The following FRMD5 variants were observed in gnomAD, a reference collection of about 807,000 sequenced individuals.
FRMD5 encodes the protein FERM domain-containing protein 5.
A neutral mutation model predicts 69.0 loss-of-function variants in FRMD5; 20 were observed. That is an observed-to-expected ratio of 0.29 (90% CI 0.20 to 0.42). FRMD5 has a LOEUF of 0.42. FRMD5 is among the 10% of genes least tolerant of loss of function. FRMD5 has a pLI of 1.00. For missense variants in FRMD5, 595 were observed against 708.6 expected (o/e 0.84, Z 1.82); for synonymous variants, 271 against 260.1 (o/e 1.04, Z -0.40).
chr15:44,175,117 A>T (rs546077368), intron 1 of FRMD5, among the ~76,000 whole-genome samples: 219 of 152,298 alleles, frequency 1.4e-3, no homozygotes, highest in African/African-American at 5.2e-3. Flanking sequence ...TTTTTGTTTA[A>T]CAGAGGCACC....
chr15:43,943,393 T>C (rs1026565440), intron 1 of FRMD5, among the ~76,000 whole-genome samples: 2 of 152,164 alleles, frequency 1.3e-5, no homozygotes, highest in African/African-American at 4.8e-5. Flanking sequence ...AGAGAGTACT[T>C]TAATATTAAG....
At chr15:44,082,305 A>G (rs1436149822) in intron 1 of FRMD5, among the ~76,000 whole-genome samples, 2 of 151,928 alleles carry the variant, frequency 1.3e-5, no homozygotes, top group Non-Finnish European at 2.9e-5. Flanking sequence ...AAACCAAACT[A>G]ATATATTTTT....
intron 6 of FRMD5, among the ~76,000 whole-genome samples, 170 bp from the exon 7 acceptor site, chr15:43,902,432 A>C (rs1258788157): frequency 6.6e-6 from 1 of 152,162 alleles, no homozygotes. Flanking sequence ...AGAGTCTCTG[A>C]CTGTCTTCAA....
chr15:44,002,331 C>A (rs1169129133), intron 1 of FRMD5, among the ~76,000 whole-genome samples: 1 of 152,044 alleles, frequency 6.6e-6, no homozygotes, highest in Non-Finnish European at 1.5e-5. Context: ...TATTTATATC[C>A]ATTTCTGTAT....
intron 7 of FRMD5, among the ~76,000 whole-genome samples, chr15:43,895,744 G>T (rs1304187910): frequency 6.6e-6 from 1 of 152,210 alleles, no homozygotes; most frequent in Non-Finnish European, 1.5e-5. Flanking sequence ...TGGGATGTTT[G>T]CAACTTGCCT....
At chr15:43,896,882 A>T (rs1455653737) in intron 7 of FRMD5, among the ~76,000 whole-genome samples, 1 of 152,184 alleles carries the variant, frequency 6.6e-6, no homozygotes, top group Non-Finnish European at 1.5e-5. Flanking sequence ...CCATTTCTGA[A>T]AGAGCTCACA....
Position 43,873,692 on chromosome 15 carries a change from G to C in FRMD5, c.*193C>G. 1 of 1,512,180 alleles carries C rather than the reference G, an allele frequency of 6.6e-7. No individual in the cohort carries two copies. Among genetic ancestry groups the C allele is most frequent in the Non-Finnish European group, 8.8e-7 (1 of 1,140,144 alleles). The allele number at this position is 1,512,180 out of a possible 1,614,324, so 93.7% of individuals were successfully genotyped here. A position where few individuals can be genotyped will look rare whatever the true frequency, so the allele number is the denominator to read the frequency against. On this transcript the variant is annotated 3_prime_UTR_variant, in exon 14 of 14. Coordinates refer to ENST00000417257, the MANE Select transcript of FRMD5 (RefSeq NM_032892.5). ...CTTCTGAAGAAAATGAGTTTTCCCA[G>C]TTTGTTTAGACAGGGCATGAGCCTA...
At chr15:44,112,426 G>A (rs2076809772) in intron 1 of FRMD5, among the ~76,000 whole-genome samples, 1 of 150,682 alleles carries the variant, frequency 6.6e-6, no homozygotes, top group Non-Finnish European at 1.5e-5. Context: ...AAACAAAAAT[G>A]TAATAAAAAA....
Position 44,017,864 on chromosome 15 carries a change from C to T in FRMD5, c.103-93555G>A, listed in dbSNP as rs901900500. Among the ~76,000 whole-genome samples the T allele has an allele frequency of 3.3e-5, 5 of 152,082 alleles. No homozygotes were observed. In the South Asian group the frequency reaches 6.2e-4, roughly 19 times the overall value. ...AACCTCGTGATCCGCCCGCCTCATCCTCCCAAAGTGCTGGGATTACAAGTG... is the reference window on the plus strand; with the variant it reads ...AACCTCGTGATCCGCCCGCCTCATCTTCCCAAAGTGCTGGGATTACAAGTG... On this transcript the variant is annotated intron_variant, in intron 1 of 13. Transcript: ENST00000417257.
intron 1 of FRMD5, among the ~76,000 whole-genome samples, chr15:43,927,601 A>T (rs940819598): frequency 2.6e-5 from 4 of 152,230 alleles, no homozygotes; most frequent in African/African-American, 9.6e-5. Flanking sequence ...CCCATGCAGC[A>T]TATCCTATAC....
intron 1 of FRMD5, among the ~76,000 whole-genome samples, chr15:44,069,396 T>C (rs1279724792): frequency 6.6e-6 from 1 of 152,160 alleles, no homozygotes; most frequent in Non-Finnish European, 1.5e-5. Flanking sequence ...AACAGCTTTA[T>C]TCATAATAGC....
intron 1 of FRMD5, among the ~76,000 whole-genome samples, chr15:44,141,047 A>G (rs1407964131): frequency 6.6e-6 from 1 of 152,160 alleles, no homozygotes; most frequent in Non-Finnish European, 1.5e-5. Context: ...ACCAATTACA[A>G]TAGCAATAAA....
At chr15:43,959,450 T>C (rs998160545) in intron 1 of FRMD5, among the ~76,000 whole-genome samples, 3 of 152,216 alleles carry the variant, frequency 2.0e-5, no homozygotes, top group African/African-American at 7.2e-5. Flanking sequence ...CGCCTGAAAA[T>C]AATCATAATT....
chr15:44,080,238 T>C (rs755893533), intron 1 of FRMD5, among the ~76,000 whole-genome samples: 12 of 152,092 alleles, frequency 7.9e-5, no homozygotes, highest in Admixed American at 3.9e-4. Flanking sequence ...AGAGTTCATA[T>C]ATGCATTCTT....
intron 1 of FRMD5, among the ~76,000 whole-genome samples, chr15:44,079,558 GTATACCCATATGATAAC>G (rs1215808209): frequency 6.6e-6 from 1 of 152,062 alleles, no homozygotes; most frequent in Admixed American, 6.6e-5. Context: ...ATCTGGGTAA[GTATACCCATATGATAAC>G]TATACCCATA....
chr15:44,142,696 A>G (rs2077291559), intron 1 of FRMD5, among the ~76,000 whole-genome samples: 1 of 152,218 alleles, frequency 6.6e-6, no homozygotes, highest in Non-Finnish European at 1.5e-5. Flanking sequence ...TGATAAATGT[A>G]AAAGGATAAT....
intron 1 of FRMD5, among the ~76,000 whole-genome samples, chr15:43,949,129 G>A (rs1244365021): frequency 6.6e-6 from 1 of 152,148 alleles, no homozygotes; most frequent in Non-Finnish European, 1.5e-5. Context: ...GCTCAGCAAG[G>A]GTCACCAATG....
rs1024630091 is a variant in FRMD5, at chr15:44,176,306, C to T, written c.102+18647G>A. On this transcript the variant is annotated intron_variant, in intron 1 of 13. Transcript: ENST00000417257. ...AAAGAATAGCCTTTTCAACTGATTG[C>T]GCTGGACAACTGGATATCCACATGT... Among the ~76,000 whole-genome samples, 12 of 152,168 alleles carry T rather than the reference C, an allele frequency of 7.9e-5. No homozygotes were observed. In the South Asian group the frequency reaches 1.2e-3, roughly 16 times the overall value.
At chr15:43,881,664 C>G (rs2088533573) in intron 13 of FRMD5, among the ~76,000 whole-genome samples, 1 of 152,190 alleles carries the variant, frequency 6.6e-6, no homozygotes, top group Admixed American at 6.5e-5. Flanking sequence ...TCAAGTACTT[C>G]CGCACATATT....
Sources: allele counts gnomAD v4.1 joint callset (sites outside exome capture counted in the v4.1 genomes callset), GRCh38; gene constraint gnomAD v4.1.1; transcripts MANE v1.5; gene names NCBI Gene and HGNC (gene_info 2026-07-23, HGNC 2026-07-21).